Variants in MARCHF1 observed in about 807,000 individuals in gnomAD.
MARCHF1 encodes membrane associated ring-CH-type finger 1.
A neutral mutation model predicts 54.2 loss-of-function variants in MARCHF1; 40 were observed. That is an observed-to-expected ratio of 0.74 (90% CI 0.57 to 0.96). The LOEUF is 0.96. Among genes scored for constraint, MARCHF1 ranks in the 40% least tolerant of loss-of-function variants. MARCHF1 has a pLI of 0.00. For synonymous variants in MARCHF1, 236 were observed against 236.3 expected (o/e 1.00, Z 0.01); for missense variants, 586 against 656.5 (o/e 0.89, Z 1.17).
chr4:163,942,278 A>T (rs1013904787), intron 3 of MARCHF1, among the ~76,000 whole-genome samples: 4 of 152,206 alleles, frequency 2.6e-5, no homozygotes, highest in African/African-American at 9.6e-5. Flanking sequence ...AGTGAAACAA[A>T]GACATTAGTC....
intron 2 of MARCHF1, among the ~76,000 whole-genome samples, chr4:164,006,821 C>T (rs1450424545): frequency 2.0e-5 from 3 of 151,536 alleles, no homozygotes; most frequent in South Asian, 2.1e-4. Flanking sequence ...GGAACATTTA[C>T]GTAGTAGACA....
intron 5 of MARCHF1, among the ~76,000 whole-genome samples, chr4:163,663,410 CT>C (rs1302603949): frequency 6.6e-6 from 1 of 152,030 alleles, no homozygotes; most frequent in Non-Finnish European, 1.5e-5. Flanking sequence ...CTCTTCCTTT[CT>C]CACTGCTGGA....
chr4:163,796,900 T>C (rs900070545), intron 4 of MARCHF1, among the ~76,000 whole-genome samples: 5 of 152,192 alleles, frequency 3.3e-5, no homozygotes, highest in Non-Finnish European at 5.9e-5. Context: ...ACGATTCTTA[T>C]GCCAGCTTTG....
At chr4:164,126,957 G>A (rs1756195866) in intron 1 of MARCHF1, among the ~76,000 whole-genome samples, 1 of 152,194 alleles carries the variant, frequency 6.6e-6, no homozygotes, top group South Asian at 2.1e-4. Flanking sequence ...TGGAGGCTGA[G>A]GTGGGAGAAT....
At chr4:163,966,867 G>A (rs766181453) in intron 3 of MARCHF1, among the ~76,000 whole-genome samples, 4 of 152,076 alleles carry the variant, frequency 2.6e-5, no homozygotes, top group African/African-American at 9.7e-5. Flanking sequence ...GTGATTGTAC[G>A]ATTGCAGACA....
At chr4:164,145,192 C>T (rs1392345948) in intron 1 of MARCHF1, among the ~76,000 whole-genome samples, 3 of 151,942 alleles carry the variant, frequency 2.0e-5, no homozygotes, top group African/African-American at 7.2e-5. Context: ...AGCTTACCAA[C>T]CAAAAAGAGT....
chr4:163,529,001 A>T lies in MARCHF1; in HGVS notation c.1385T>A (p.Ile462Asn), dbSNP rs1198417611. 1 of 1,612,350 alleles carries T rather than the reference A, an allele frequency of 6.2e-7. No individual in the cohort carries two copies. ...GAAGACAAGACCTCCTGTGAAGCCA[A>T]TGGCTACCACAACCAGTTTTGTCCA... ...PFWTKLVVVA[I>N]GFTGGLVFMY... The change falls in exon 10 of 10, where the codon ATT (isoleucine) becomes AAT (asparagine). Residue 462 changes from isoleucine (I) to asparagine (N), a missense_variant. Transcript: ENST00000514618.
At chr4:163,914,480 TGAG>T (rs1172025196) in intron 3 of MARCHF1, among the ~76,000 whole-genome samples, 2 of 152,068 alleles carry the variant, frequency 1.3e-5, no homozygotes, top group Admixed American at 1.3e-4. Flanking sequence ...ATAACATATA[TGAG>T]AAGAGAAAGA....
intron 1 of MARCHF1, among the ~76,000 whole-genome samples, chr4:164,351,672 A>G (rs962582090): frequency 2.0e-5 from 3 of 152,068 alleles, no homozygotes; most frequent in Admixed American, 2.0e-4. Context: ...AAAACAGAAC[A>G]GAAAAACTGG....
intron 2 of MARCHF1, among the ~76,000 whole-genome samples, chr4:164,079,032 A>G (rs906371237): frequency 2.6e-5 from 4 of 152,072 alleles, no homozygotes; most frequent in Non-Finnish European, 5.9e-5. Context: ...TTTACTTTGC[A>G]TTTTCTTATT....
intron 1 of MARCHF1, among the ~76,000 whole-genome samples, chr4:164,233,382 T>A (rs566032760): frequency 6.6e-6 from 1 of 152,326 alleles, no homozygotes; most frequent in Admixed American, 6.5e-5. Flanking sequence ...TTTTTCTCAA[T>A]GCCCTGAATC....
At chr4:164,208,791 G>A (rs6536803) in intron 1 of MARCHF1, among the ~76,000 whole-genome samples, 111,408 of 151,950 alleles carry the variant, frequency 0.73, 41,315 homozygotes, top group African/African-American at 0.81. Flanking sequence ...AAAAAAATAC[G>A]AAAAGAATTA....
chr4:164,015,327 C>T (rs1209279737), intron 2 of MARCHF1, among the ~76,000 whole-genome samples: 1 of 152,072 alleles, frequency 6.6e-6, no homozygotes, highest in African/African-American at 2.4e-5. Flanking sequence ...GGACTTACAA[C>T]TAAAAATTGT....
intron 4 of MARCHF1, among the ~76,000 whole-genome samples, chr4:163,712,108 A>G (rs1458152112): frequency 6.6e-6 from 1 of 152,198 alleles, no homozygotes; most frequent in African/African-American, 2.4e-5. Flanking sequence ...TTTGTAAAAC[A>G]GACCACACAT....
rs1734687344 is a variant in MARCHF1 at position 164,306,027 on chromosome 4, T to C, written c.-323+77843A>G. 2.6e-5 allele frequency among the ~76,000 whole-genome samples: 4 copies of C among 152,096 alleles called. No individual in the cohort carries two copies. In the South Asian group the frequency reaches 8.3e-4, roughly 31 times the overall value. ...GTTGTCACTGATTGTTACGAATAAT[T>C]CTCACTAATGCACATATGTCTTATT... is the stretch of plus-strand genomic sequence containing the variant. On this transcript the variant is annotated intron_variant, in intron 1 of 9. Transcript: ENST00000514618.
At chr4:164,086,729 TA>T (rs1224967284) in intron 2 of MARCHF1, among the ~76,000 whole-genome samples, 3 of 152,012 alleles carry the variant, frequency 2.0e-5, no homozygotes, top group Non-Finnish European at 2.9e-5. Flanking sequence ...AAATGGTACT[TA>T]GGGGTGTCAG....
At chr4:164,224,154 G>T (rs569184525) in intron 1 of MARCHF1, among the ~76,000 whole-genome samples, 3 of 151,104 alleles carry the variant, frequency 2.0e-5, no homozygotes, top group Non-Finnish European at 4.4e-5. Flanking sequence ...GTATTAGGCC[G>T]CATTCATATT....
At chr4:163,586,129 A>G (rs1486293689) in intron 7 of MARCHF1, among the ~76,000 whole-genome samples, 200 bp from the exon 8 acceptor site, 2 of 152,194 alleles carry the variant, frequency 1.3e-5, no homozygotes, top group African/African-American at 4.8e-5. Context: ...AAAATCCTAA[A>G]TCTGAAATGC....
At chr4:164,092,900 T>A (rs1197636401) in intron 2 of MARCHF1, among the ~76,000 whole-genome samples, 1 of 152,094 alleles carries the variant, frequency 6.6e-6, no homozygotes, top group African/African-American at 2.4e-5. Flanking sequence ...TTATTCCACA[T>A]CCAACGGTAA....
Sources: gnomAD v4.1 joint callset for allele counts (sites outside exome capture counted in the v4.1 genomes callset) on GRCh38, gnomAD v4.1.1 for gene constraint, MANE v1.5 for transcripts, NCBI Gene and HGNC (gene_info 2026-07-23, HGNC 2026-07-21) for gene names.